The following PLA2G4A variants were observed in gnomAD, a reference collection of about 807,000 sequenced individuals.
The protein encoded by PLA2G4A is cytosolic phospholipase A2.
PLA2G4A carries 40 observed loss-of-function variants against 81.9 expected under a neutral mutation model. That is an observed-to-expected ratio of 0.49 (90% CI 0.38 to 0.64). PLA2G4A has a LOEUF of 0.64. Ranked by LOEUF, PLA2G4A falls within the 30% of genes least tolerant of loss-of-function variation. The pLI is 0.00. For missense variants in PLA2G4A, 715 were observed against 905.1 expected, an observed-to-expected ratio of 0.79 and a Z score of 2.69; for synonymous variants, 302 against 296.9, an observed-to-expected ratio of 1.02 and a Z score of -0.18.
At chr1:186,842,119 T>C (rs1256848160) in intron 1 of PLA2G4A, among the ~76,000 whole-genome samples, 2 of 151,084 alleles carry the variant, frequency 1.3e-5, no homozygotes, top group Non-Finnish European at 2.9e-5. Flanking sequence ...CTCGGCTCAC[T>C]GCAACCTCCG....
chr1:186,910,996 G>A (rs1270472883), intron 6 of PLA2G4A, among the ~76,000 whole-genome samples: 1 of 152,184 alleles, frequency 6.6e-6, no homozygotes, highest in Non-Finnish European at 1.5e-5. Context: ...CTTATCAGAG[G>A]CTGTTTGTTT....
chr1:186,877,920 C>A (rs1653565133), intron 3 of PLA2G4A, among the ~76,000 whole-genome samples: 1 of 150,308 alleles, frequency 6.7e-6, no homozygotes. Flanking sequence ...ACTCTTATTT[C>A]TATCCACTAC....
At chr1:186,964,113 T>C (rs1341498110) in intron 14 of PLA2G4A, among the ~76,000 whole-genome samples, 2 of 152,216 alleles carry the variant, frequency 1.3e-5, no homozygotes, top group African/African-American at 2.4e-5. Flanking sequence ...AAGTCAGAGA[T>C]CCTTATTCAT....
intron 6 of PLA2G4A, among the ~76,000 whole-genome samples, chr1:186,910,321 G>A (rs1654896003): frequency 6.6e-6 from 1 of 152,054 alleles, no homozygotes; most frequent in South Asian, 2.1e-4. Flanking sequence ...TATTTTATTG[G>A]TGATAATTCT....
chr1:186,879,434 T>A (rs1399056675), intron 3 of PLA2G4A, among the ~76,000 whole-genome samples: 2 of 151,980 alleles, frequency 1.3e-5, no homozygotes, highest in Non-Finnish European at 2.9e-5. Context: ...ATAATGATAA[T>A]ATCTACTGTG....
intron 2 of PLA2G4A, among the ~76,000 whole-genome samples, chr1:186,859,411 CAAG>C (rs1181843932): frequency 1.3e-5 from 2 of 152,068 alleles, no homozygotes; most frequent in African/African-American, 2.4e-5. Flanking sequence ...ATGAATTTTA[CAAG>C]AAGAAGTCAA....
chr1:186,948,519 A>G (rs987880924), intron 12 of PLA2G4A, among the ~76,000 whole-genome samples: 1 of 65,100 alleles, frequency 1.5e-5, no homozygotes, highest in Non-Finnish European at 5.7e-5. Flanking sequence ...GATTTTAGAA[A>G]AAAAAAAAAA....
chr1:186,959,103 T>G lies in PLA2G4A; in HGVS notation c.1579+2759T>G, dbSNP rs59974077. 5.7e-3 allele frequency among the ~76,000 whole-genome samples: 867 copies of G among 152,254 alleles called. 7 individuals carry two copies. Among genetic ancestry groups the G allele is most frequent in the African/African-American group, 0.02 (834 of 41,574 alleles). On this transcript the variant is annotated intron_variant, in intron 14 of 17. Transcript: ENST00000367466. ...AAAGGAGGAATTTTCATCTTCTTTC[T>G]GTCTTTTGTTCATTCTTTCATTCAC...
chr1:186,860,846 T>G (rs919857690), intron 2 of PLA2G4A, among the ~76,000 whole-genome samples: 1 of 152,230 alleles, frequency 6.6e-6, no homozygotes, highest in African/African-American at 2.4e-5. Flanking sequence ...AATTTCTTTT[T>G]GGTTCTTTTT....
intron 15 of PLA2G4A, among the ~76,000 whole-genome samples, chr1:186,975,903 A>G (rs939427874): frequency 5.9e-5 from 9 of 152,100 alleles, no homozygotes; most frequent in Non-Finnish European, 8.8e-5. Flanking sequence ...TCCTGCCTTT[A>G]TCATACTTTT....
chr1:186,977,508 C>A, intron 15 of PLA2G4A, 85 bp from the exon 16 acceptor site: 1 of 835,842 alleles, frequency 1.2e-6, no homozygotes, highest in Non-Finnish European at 2.1e-6. Flanking sequence ...ACAGTAGACA[C>A]CTAGTGAACA....
At chr1:186,895,847 A>T (rs940901622) in intron 5 of PLA2G4A, among the ~76,000 whole-genome samples, 2 of 152,152 alleles carry the variant, frequency 1.3e-5, no homozygotes, top group African/African-American at 4.8e-5. Flanking sequence ...GTTCCTTGCC[A>T]TCTGTTTTAT....
chr1:186,946,402 G>A (rs1415818311), intron 10 of PLA2G4A, among the ~76,000 whole-genome samples: 1 of 152,050 alleles, frequency 6.6e-6, no homozygotes, highest in African/African-American at 2.4e-5. Context: ...TCTAATTTCT[G>A]CAAATTAGAA....
intron 3 of PLA2G4A, among the ~76,000 whole-genome samples, chr1:186,888,027 C>A (rs1653996532): frequency 6.6e-6 from 1 of 152,160 alleles, no homozygotes; most frequent in Admixed American, 6.5e-5. Flanking sequence ...TTTCCACTGT[C>A]CAGCATCCTT....
intron 1 of PLA2G4A, among the ~76,000 whole-genome samples, chr1:186,830,995 T>C (rs1269239863): frequency 1.4e-5 from 2 of 143,166 alleles, no homozygotes; most frequent in Non-Finnish European, 3.1e-5. Flanking sequence ...TCTTTCTTTC[T>C]TTCTTTCTTT....
At chr1:186,968,517 A>G (rs1657218797) in intron 15 of PLA2G4A, among the ~76,000 whole-genome samples, 1 of 151,262 alleles carries the variant, frequency 6.6e-6, no homozygotes, top group Admixed American at 6.6e-5. Context: ...TCATGTCATT[A>G]AATATTTAAG....
At chr1:186,928,666 A>AAGGAG (rs1571410650) in intron 7 of PLA2G4A, among the ~76,000 whole-genome samples, 4 of 152,362 alleles carry the variant, frequency 2.6e-5, no homozygotes, top group Admixed American at 1.3e-4. Context: ...ATGGGGGGCC[A>AAGGAG]AGGAGAGAAA....
intron 7 of PLA2G4A, among the ~76,000 whole-genome samples, chr1:186,920,009 G>T (rs1655288980): frequency 6.6e-6 from 1 of 152,142 alleles, no homozygotes; most frequent in Non-Finnish European, 1.5e-5. Context: ...TGTCTAATTG[G>T]TTGGGCCCCA....
intron 14 of PLA2G4A, among the ~76,000 whole-genome samples, chr1:186,957,937 G>A (rs1656811763): frequency 6.6e-6 from 1 of 152,078 alleles, no homozygotes; most frequent in Non-Finnish European, 1.5e-5. Context: ...TTGATTAGAT[G>A]CAGTAAAAAC....
Sources: allele counts gnomAD v4.1 joint callset (sites outside exome capture counted in the v4.1 genomes callset), GRCh38; gene constraint gnomAD v4.1.1; transcripts MANE v1.5; gene names NCBI Gene and HGNC (gene_info 2026-07-23, HGNC 2026-07-21).